ARL6IP6: variants seen among roughly 807,000 people sequenced by gnomAD.
The protein encoded by ARL6IP6 is ARF like GTPase 6 interacting protein 6, also known as ADP-ribosylation factor-like protein 6-interacting protein 6.
In ARL6IP6, 22 loss-of-function variants were observed where a neutral mutation model predicts 21.5. That is an observed-to-expected ratio of 1.02 (90% CI 0.73 to 1.46). The LOEUF is 1.46. Ranked by LOEUF, ARL6IP6 falls within the 40% of genes most tolerant of loss-of-function variation. ARL6IP6 has a pLI of 0.00. For missense variants in ARL6IP6, 388 were observed against 299.8 expected, an observed-to-expected ratio of 1.29 and a Z score of -2.17; for synonymous variants, 164 against 125.3, an observed-to-expected ratio of 1.31 and a Z score of -2.06.
At position 152,760,477 on chromosome 2, in the gene ARL6IP6, A is replaced by T. The variant is rs568591962; in HGVS notation, c.*637A>T. 1.3e-5 allele frequency: 2 copies of T among 151,966 alleles called. No homozygotes were observed. The highest frequency in any genetic ancestry group is 1.3e-4 in the Admixed American group (2 of 15,238). The allele number at this position is 151,966 out of a possible 1,614,324, so 9.4% of individuals were successfully genotyped here. A position where few individuals can be genotyped will look rare whatever the true frequency, so the allele number is the denominator to read the frequency against. On this transcript the variant is annotated 3_prime_UTR_variant, in exon 4 of 4. Transcript: ENST00000326446. ...AAATTGTTACATCTAGACAACTGTAAACATTATTTTTTTAGCTAGTGCAAA... is the reference window on the plus strand; with the variant it reads ...AAATTGTTACATCTAGACAACTGTATACATTATTTTTTTAGCTAGTGCAAA...
At chr2:152,731,486 A>G (rs922776713) in intron 2 of ARL6IP6, among the ~76,000 whole-genome samples, 2 of 152,214 alleles carry the variant, frequency 1.3e-5, no homozygotes, top group Non-Finnish European at 2.9e-5. Flanking sequence ...CTCTTCCTGT[A>G]TTCTTGAGGC....
chr2:152,737,755 G>A (rs919134476), intron 3 of ARL6IP6, among the ~76,000 whole-genome samples: 2 of 152,084 alleles, frequency 1.3e-5, no homozygotes, highest in East Asian at 1.9e-4. Flanking sequence ...CCTCCCACAC[G>A]GTCCCTCCCA....
chr2:152,730,927 T>C (rs79672929), intron 2 of ARL6IP6, among the ~76,000 whole-genome samples: 143 of 152,294 alleles, frequency 9.4e-4, no homozygotes, highest in African/African-American at 3.2e-3. Context: ...CCTTTCCCCA[T>C]TTACACACAT....
intron 3 of ARL6IP6, among the ~76,000 whole-genome samples, chr2:152,757,805 G>A (rs1367109312): frequency 6.6e-6 from 1 of 152,236 alleles, no homozygotes; most frequent in Non-Finnish European, 1.5e-5. Context: ...CACTACTCCC[G>A]AGCATTTTTT....
At chr2:152,742,373 T>C (rs889612788) in intron 3 of ARL6IP6, among the ~76,000 whole-genome samples, 3 of 151,864 alleles carry the variant, frequency 2.0e-5, no homozygotes, top group Admixed American at 1.3e-4. Flanking sequence ...TTTGAGACCA[T>C]CCTAGTCAAC....
chr2:152,755,756 G>T (rs1701559643), intron 3 of ARL6IP6, among the ~76,000 whole-genome samples: 1 of 152,144 alleles, frequency 6.6e-6, no homozygotes, highest in South Asian at 2.1e-4. Flanking sequence ...TCCGCGAATT[G>T]GTGGTAGTGG....
intron 2 of ARL6IP6, among the ~76,000 whole-genome samples, chr2:152,730,930 A>G (rs1467985912): frequency 1.3e-5 from 2 of 152,304 alleles, no homozygotes; most frequent in Middle Eastern, 3.4e-3. Flanking sequence ...TTCCCCATTT[A>G]CACACATAAG....
chr2:152,761,823 ATGT>A lies in ARL6IP6; in HGVS notation c.*1985_*1987del, dbSNP rs1658999641. On this transcript the variant is annotated 3_prime_UTR_variant, in exon 4 of 4. Transcript: ENST00000326446. ...TCTAGGTTTGTGTAAGTATACTCTGATGTTCACACAATGATGAAATTGCCTAAT... is the reference window on the plus strand; with the variant it reads ...TCTAGGTTTGTGTAAGTATACTCTGATCACACAATGATGAAATTGCCTAAT... Among the ~76,000 whole-genome samples the A allele has an allele frequency of 6.6e-6, 1 of 152,142 alleles. No individual in the cohort carries two copies.
intron 3 of ARL6IP6, among the ~76,000 whole-genome samples, chr2:152,745,389 A>G (rs1305531158): frequency 1.3e-5 from 2 of 152,186 alleles, no homozygotes; most frequent in Non-Finnish European, 2.9e-5. Context: ...AAATACAAGC[A>G]CTGATTTTCC....
At chr2:152,718,329 C>T (rs1699326348), upstream of ARL6IP6, 3 of 330,162 alleles carry the variant, frequency 9.1e-6, no homozygotes, top group Non-Finnish European at 1.6e-5. Flanking sequence ...GGGACGAAGC[C>T]CCGCAGGGAG....
chr2:152,755,799 C>T (rs958889431), intron 3 of ARL6IP6, among the ~76,000 whole-genome samples: 1 of 152,180 alleles, frequency 6.6e-6, no homozygotes, highest in Non-Finnish European at 1.5e-5. Context: ...TCTTTTATCT[C>T]TTTGTCTTGT....
chr2:152,744,213 A>T (rs1361652955), intron 3 of ARL6IP6, among the ~76,000 whole-genome samples: 1 of 152,182 alleles, frequency 6.6e-6, no homozygotes, highest in African/African-American at 2.4e-5. Context: ...TCTCACAGAT[A>T]GTCATTTTGA....
intron 3 of ARL6IP6, among the ~76,000 whole-genome samples, chr2:152,742,442 G>A (rs1302976819): frequency 6.6e-6 from 1 of 151,932 alleles, no homozygotes; most frequent in Non-Finnish European, 1.5e-5. Flanking sequence ...GGTGAAATGA[G>A]CCTGTATTCC....
chr2:152,748,632 GT>G (rs1334326976), intron 3 of ARL6IP6, among the ~76,000 whole-genome samples: 1 of 152,186 alleles, frequency 6.6e-6, no homozygotes, highest in Non-Finnish European at 1.5e-5. Flanking sequence ...AGCCAGTTGG[GT>G]CTTAAGATGG....
At chr2:152,757,197 A>T (rs1701632140) in intron 3 of ARL6IP6, among the ~76,000 whole-genome samples, 1 of 152,216 alleles carries the variant, frequency 6.6e-6, no homozygotes, top group African/African-American at 2.4e-5. Context: ...TCTTGGTGAC[A>T]GCCCTCAGTA....
At chr2:152,750,002 T>A (rs920063296) in intron 3 of ARL6IP6, among the ~76,000 whole-genome samples, 4 of 152,236 alleles carry the variant, frequency 2.6e-5, no homozygotes, top group Non-Finnish European at 1.5e-5. Context: ...TTAATTTTCA[T>A]CATAGATAGG....
At chr2:152,757,235 G>GT (rs1326413557) in intron 3 of ARL6IP6, among the ~76,000 whole-genome samples, 2 of 152,170 alleles carry the variant, frequency 1.3e-5, no homozygotes. Flanking sequence ...TCTGCAGGAG[G>GT]TAAGTTGAAT....
intron 3 of ARL6IP6, among the ~76,000 whole-genome samples, chr2:152,753,553 A>G (rs1701434941): frequency 6.6e-6 from 1 of 152,052 alleles, no homozygotes; most frequent in Non-Finnish European, 1.5e-5. Flanking sequence ...TCAAAATGCC[A>G]ATTTTCTACC....
chr2:152,744,569 A>G (rs945364987), intron 3 of ARL6IP6, among the ~76,000 whole-genome samples: 5 of 152,118 alleles, frequency 3.3e-5, no homozygotes, highest in African/African-American at 1.2e-4. Context: ...TTTTTCACAA[A>G]TGCCTGCTAA....
Sources: gnomAD v4.1 joint callset for allele counts (sites outside exome capture counted in the v4.1 genomes callset) on GRCh38, gnomAD v4.1.1 for gene constraint, MANE v1.5 for transcripts, NCBI Gene and HGNC (gene_info 2026-07-23, HGNC 2026-07-21) for gene names.